The following TNFSF4 variants were observed in gnomAD, a reference collection of about 807,000 sequenced individuals.
The protein encoded by TNFSF4 is TNF superfamily member 4, also known as tumor necrosis factor ligand superfamily member 4.
In TNFSF4, 4 loss-of-function variants were observed where a neutral mutation model predicts 7.3. The ratio of observed to expected loss-of-function variants is 0.55; its 90% CI spans 0.27 to 1.25. TNFSF4 has a LOEUF of 1.25. Among genes scored for constraint, TNFSF4 ranks in the 50% most tolerant of loss-of-function variants. The pLI is 0.12. For synonymous variants in TNFSF4, 76 were observed against 83.7 expected, an observed-to-expected ratio of 0.91 and a Z score of 0.50; for missense variants, 181 against 208.8, an observed-to-expected ratio of 0.87 and a Z score of 0.82.
the TNFSF4 span, among the ~76,000 whole-genome samples, chr1:173,234,821 C>T: frequency 6.6e-6 from 1 of 152,110 alleles, no homozygotes; most frequent in Non-Finnish European, 1.5e-5. Flanking sequence ...GGAGGGATAG[C>T]ATTAGGAGAT....
the TNFSF4 span, among the ~76,000 whole-genome samples, chr1:173,414,524 A>C: frequency 6.6e-6 from 1 of 152,244 alleles, no homozygotes; most frequent in Non-Finnish European, 1.5e-5. Flanking sequence ...ATGAGGTTAA[A>C]GTTCTTGTCC....
At chr1:173,424,000 G>A in the TNFSF4 span, among the ~76,000 whole-genome samples, 1 of 151,976 alleles carries the variant, frequency 6.6e-6, no homozygotes, top group Non-Finnish European at 1.5e-5. Flanking sequence ...GGACAGAAGG[G>A]CAAAAAGGGG....
chr1:173,214,520 GGAA>G, the TNFSF4 span, among the ~76,000 whole-genome samples: 10 of 152,126 alleles, frequency 6.6e-5, no homozygotes, highest in Non-Finnish European at 7.3e-5. Context: ...TGGCAACACT[GGAA>G]GAAGAAGAAT....
chr1:173,188,578 G>A lies in TNFSF4; in HGVS notation c.154-9C>T, dbSNP rs758184337. 9 of 1,609,002 alleles carry A rather than the reference G, an allele frequency of 5.6e-6. No individual in the cohort carries two copies. The highest frequency in any genetic ancestry group is 1.7e-4 in the Middle Eastern group (1 of 6,052). On this transcript the variant is annotated splice_polypyrimidine_tract_variant and intron_variant, in intron 1 of 2. Transcript: ENST00000281834. ...GGATACCGATGTGATACCTGAGGGAGGAAGAAAGACATATTCTTAGGAAAA... is the reference window on the plus strand; with the variant it reads ...GGATACCGATGTGATACCTGAGGGAAGAAGAAAGACATATTCTTAGGAAAA...
chr1:173,368,650 G>C, the TNFSF4 span, among the ~76,000 whole-genome samples: 2 of 152,166 alleles, frequency 1.3e-5, no homozygotes, highest in African/African-American at 4.8e-5. Context: ...CTGTACTTCT[G>C]GGCTGAGCCA....
chr1:173,405,108 TTCTG>T, the TNFSF4 span, among the ~76,000 whole-genome samples: 2 of 152,236 alleles, frequency 1.3e-5, no homozygotes, highest in Non-Finnish European at 2.9e-5. Flanking sequence ...GGGCAGAGAT[TTCTG>T]TCTGTTTTGC....
At chr1:173,182,453 T>G (rs956851800), downstream of TNFSF4, among the ~76,000 whole-genome samples, 1 of 152,186 alleles carries the variant, frequency 6.6e-6, no homozygotes, top group Non-Finnish European at 1.5e-5. Flanking sequence ...GGGTGTTAAC[T>G]ACCCTTGATC....
chr1:173,192,435 C>T (rs1324696059), intron 1 of TNFSF4, among the ~76,000 whole-genome samples: 2 of 152,026 alleles, frequency 1.3e-5, no homozygotes, highest in African/African-American at 4.8e-5. Flanking sequence ...ATATTAAATG[C>T]ATATTATTAT....
chr1:173,303,842 T>C, the TNFSF4 span, among the ~76,000 whole-genome samples: 12 of 151,920 alleles, frequency 7.9e-5, no homozygotes, highest in African/African-American at 2.9e-4. Flanking sequence ...TTCTACTCTA[T>C]ATGATAGACA....
intron 1 of TNFSF4, among the ~76,000 whole-genome samples, chr1:173,204,354 G>A (rs1295440180): frequency 6.6e-6 from 1 of 152,026 alleles, no homozygotes; most frequent in Non-Finnish European, 1.5e-5. Context: ...GAGTGGGTAG[G>A]GTCTAACTTT....
At chr1:173,313,968 C>T in the TNFSF4 span, among the ~76,000 whole-genome samples, 106 of 151,938 alleles carry the variant, frequency 7.0e-4, no homozygotes, top group African/African-American at 2.4e-3. Context: ...TTTTTTACTT[C>T]TTGTCTTTTC....
chr1:173,218,219 G>A, the TNFSF4 span, among the ~76,000 whole-genome samples: 1 of 152,134 alleles, frequency 6.6e-6, no homozygotes, highest in African/African-American at 2.4e-5. Context: ...GCTGATGCTT[G>A]TCACCTCTGT....
At chr1:173,206,507 G>A (rs1390473965) in intron 1 of TNFSF4, among the ~76,000 whole-genome samples, 2 of 152,244 alleles carry the variant, frequency 1.3e-5, no homozygotes, top group Admixed American at 6.5e-5. Flanking sequence ...GAATGAGTGA[G>A]CACATAGGCA....
the TNFSF4 span, among the ~76,000 whole-genome samples, chr1:173,422,135 A>T: frequency 6.6e-6 from 1 of 152,196 alleles, no homozygotes; most frequent in African/African-American, 2.4e-5. Context: ...TTAAACATGC[A>T]AAGTGCTTAG....
chr1:173,175,863 G>A, the TNFSF4 span, among the ~76,000 whole-genome samples: 94 of 152,282 alleles, frequency 6.2e-4, 2 homozygotes, highest in Middle Eastern at 3.4e-3. Flanking sequence ...TTTTGTTGGC[G>A]CATACATGAG....
the TNFSF4 span, among the ~76,000 whole-genome samples, chr1:173,267,433 C>T: frequency 2.0e-5 from 3 of 152,224 alleles, no homozygotes; most frequent in Admixed American, 2.0e-4. Flanking sequence ...ATTTGCATAC[C>T]AGTAGGTCTA....
chr1:173,267,552 C>A, the TNFSF4 span, among the ~76,000 whole-genome samples: 2 of 152,072 alleles, frequency 1.3e-5, no homozygotes, highest in African/African-American at 2.4e-5. Context: ...TCTTACCCTG[C>A]ATAATAAATT....
chr1:173,413,383 G>A, the TNFSF4 span, among the ~76,000 whole-genome samples: 3 of 152,134 alleles, frequency 2.0e-5, no homozygotes, highest in African/African-American at 7.2e-5. Context: ...TGACCATCTG[G>A]CATTTTGAGC....
At chr1:173,179,274 C>T (rs1439314495), downstream of TNFSF4, among the ~76,000 whole-genome samples, 3 of 152,174 alleles carry the variant, frequency 2.0e-5, no homozygotes, top group South Asian at 2.1e-4. Context: ...CACAGCAACA[C>T]GATGAGCCAG....
Sources: gnomAD v4.1 joint callset for allele counts (sites outside exome capture counted in the v4.1 genomes callset) on GRCh38, gnomAD v4.1.1 for gene constraint, MANE v1.5 for transcripts, NCBI Gene and HGNC (gene_info 2026-07-23, HGNC 2026-07-21) for gene names.